The following NRG3 variants were observed in gnomAD, a reference collection of about 807,000 sequenced individuals.
NRG3 encodes the protein neuregulin 3, also known as pro-neuregulin-3, membrane-bound isoform.
A neutral mutation model predicts 66.9 loss-of-function variants in NRG3; 31 were observed. The ratio of observed to expected loss-of-function variants is 0.46; its 90% CI spans 0.35 to 0.63. The LOEUF is 0.63. NRG3 is among the 20% of genes least tolerant of loss of function. The probability of loss-of-function intolerance (pLI) is 0.00; values close to 1 mark genes in which losing one functional copy is unlikely to be tolerated. For missense variants in NRG3, 910 were observed against 878.9 expected (o/e 1.04, Z -0.45); for synonymous variants, 393 against 359.4 (o/e 1.09, Z -1.06).
chr10:82,005,876 A>G (rs2061360136), intron 1 of NRG3, among the ~76,000 whole-genome samples: 1 of 140,782 alleles, frequency 7.1e-6, no homozygotes, highest in Admixed American at 7.5e-5. Flanking sequence ...TTCCTAAGGT[A>G]ACATAGAGGA....
intron 2 of NRG3, among the ~76,000 whole-genome samples, chr10:82,559,114 A>G (rs1455235580): frequency 6.6e-6 from 1 of 151,880 alleles, no homozygotes; most frequent in Admixed American, 6.6e-5. Flanking sequence ...CTCCTTCCTA[A>G]CTTATTTTCC....
chr10:82,080,490 G>A (rs2065330784), intron 1 of NRG3, among the ~76,000 whole-genome samples: 1 of 152,062 alleles, frequency 6.6e-6, no homozygotes, highest in South Asian at 2.1e-4. Flanking sequence ...ATGTGGCAGA[G>A]CCAAGACCCT....
At chr10:82,543,607 C>T (rs1439084804) in intron 2 of NRG3, among the ~76,000 whole-genome samples, 1 of 152,112 alleles carries the variant, frequency 6.6e-6, no homozygotes, top group Admixed American at 6.5e-5. Context: ...AAAGATAAAA[C>T]TCAGGTTCCA....
At chr10:82,944,413 C>G (rs1374027764) in intron 4 of NRG3, among the ~76,000 whole-genome samples, 1 of 152,130 alleles carries the variant, frequency 6.6e-6, no homozygotes, top group East Asian at 1.9e-4. Context: ...CATGCTTATT[C>G]CATTTCAGTC....
intron 1 of NRG3, among the ~76,000 whole-genome samples, chr10:82,115,100 T>A (rs1387922802): frequency 6.6e-6 from 1 of 152,108 alleles, no homozygotes; most frequent in Non-Finnish European, 1.5e-5. Context: ...ACTTGCTGCC[T>A]ACATGAGGCA....
rs2083435462 is a variant in NRG3, at chr10:82,351,479, G to A, written c.824-7260G>A. 2.0e-5 allele frequency among the ~76,000 whole-genome samples: 3 copies of A among 152,288 alleles called. No homozygotes were observed. The South Asian group carries it at 6.2e-4, about 32-fold the overall frequency. ...GGTGGCATCTCTTTCAAGTTTCCCAGTGCACCTGACTCAGAAGATAGAATC... is the reference window on the plus strand; with the variant it reads ...GGTGGCATCTCTTTCAAGTTTCCCAATGCACCTGACTCAGAAGATAGAATC... On this transcript the variant is annotated intron_variant, in intron 1 of 8. Coordinates refer to ENST00000372141, the MANE Select transcript of NRG3 (RefSeq NM_001010848.4).
chr10:82,111,078 G>A (rs1307745458), intron 1 of NRG3, among the ~76,000 whole-genome samples: 1 of 152,146 alleles, frequency 6.6e-6, no homozygotes, highest in Non-Finnish European at 1.5e-5. Flanking sequence ...TGAGTCTAAA[G>A]TTAGTTGAAA....
intron 1 of NRG3, among the ~76,000 whole-genome samples, chr10:81,968,147 T>C (rs2059800686): frequency 6.6e-6 from 1 of 152,230 alleles, no homozygotes; most frequent in Non-Finnish European, 1.5e-5. Flanking sequence ...CAGGCTCTGC[T>C]TTTGTTTTGG....
At chr10:82,979,476 C>T (rs781616009) in intron 8 of NRG3, among the ~76,000 whole-genome samples, 2 of 152,036 alleles carry the variant, frequency 1.3e-5, no homozygotes, top group Non-Finnish European at 2.9e-5. Flanking sequence ...GAAAAAGGAC[C>T]GAATTCTCTG....
chr10:82,678,703 A>T (rs1346010199), intron 2 of NRG3, among the ~76,000 whole-genome samples: 1 of 151,828 alleles, frequency 6.6e-6, no homozygotes, highest in African/African-American at 2.4e-5. Flanking sequence ...TGCTTTCCTC[A>T]CGCCTGCCTG....
At chr10:82,794,763 A>G (rs2060725971) in intron 3 of NRG3, among the ~76,000 whole-genome samples, 1 of 151,918 alleles carries the variant, frequency 6.6e-6, no homozygotes, top group South Asian at 2.1e-4. Flanking sequence ...CGAAGAGTAA[A>G]ATGCTCTGTT....
intron 2 of NRG3, among the ~76,000 whole-genome samples, chr10:82,522,236 G>A (rs929081408): frequency 3.3e-5 from 5 of 151,780 alleles, no homozygotes; most frequent in African/African-American, 9.7e-5. Flanking sequence ...TAGAGAAGGG[G>A]ATTTCACCAT....
intron 2 of NRG3, among the ~76,000 whole-genome samples, chr10:82,669,561 A>T (rs2053085748): frequency 6.6e-6 from 1 of 152,172 alleles, no homozygotes; most frequent in Non-Finnish European, 1.5e-5. Context: ...ATTCCAAAAC[A>T]TAAAGAAACT....
chr10:81,973,687 T>C (rs1461149821), intron 1 of NRG3, among the ~76,000 whole-genome samples: 2 of 152,194 alleles, frequency 1.3e-5, no homozygotes, highest in Non-Finnish European at 2.9e-5. Flanking sequence ...TGTATATGAT[T>C]GTTACTGCAT....
intron 3 of NRG3, among the ~76,000 whole-genome samples, chr10:82,793,927 T>A (rs890786252): frequency 6.6e-6 from 1 of 152,196 alleles, no homozygotes; most frequent in Non-Finnish European, 1.5e-5. Flanking sequence ...TAAAGTATAA[T>A]ATGGTCTACC....
chr10:82,549,797 A>G (rs2044180128), intron 2 of NRG3, among the ~76,000 whole-genome samples: 1 of 152,256 alleles, frequency 6.6e-6, no homozygotes, highest in Non-Finnish European at 1.5e-5. Flanking sequence ...TCAGTGGTCA[A>G]TAAGGTGATG....
rs527820480 is a variant in NRG3 at position 82,101,631 on chromosome 10, A to C, written c.823+225468A>C. Among the ~76,000 whole-genome samples the C allele has an allele frequency of 1.1e-4, 16 of 151,900 alleles. No homozygotes were observed. The South Asian group carries it at 3.1e-3, about 29-fold the overall frequency. ...TATGTTAGCTTCTAAATCATTGTGG[A>C]ATCACCAATGATTTTTATGTAATTG... is the stretch of plus-strand genomic sequence containing the variant. On this transcript the variant is annotated intron_variant, in intron 1 of 8. Coordinates refer to ENST00000372141, the MANE Select transcript of NRG3 (RefSeq NM_001010848.4).
chr10:82,633,758 A>G (rs766677614), intron 2 of NRG3, among the ~76,000 whole-genome samples: 4 of 152,100 alleles, frequency 2.6e-5, no homozygotes, highest in Non-Finnish European at 4.4e-5. Flanking sequence ...AGTTTGGGAG[A>G]TGGGCTATTT....
intron 2 of NRG3, among the ~76,000 whole-genome samples, chr10:82,710,646 A>G (rs1474624442): frequency 2.0e-5 from 3 of 149,268 alleles, no homozygotes; most frequent in African/African-American, 7.4e-5. Context: ...GTAGAATGCT[A>G]TCTGATTTTA....
Sources: allele counts gnomAD v4.1 joint callset (sites outside exome capture counted in the v4.1 genomes callset), GRCh38; gene constraint gnomAD v4.1.1; transcripts MANE v1.5; gene names NCBI Gene and HGNC (gene_info 2026-07-23, HGNC 2026-07-21).